The following STRN variants were observed in gnomAD, a reference collection of about 807,000 sequenced individuals.
The protein encoded by STRN is striatin.
STRN carries 53 observed loss-of-function variants against 96.3 expected under a neutral mutation model. The observed-to-expected ratio is 0.55, with a 90% confidence interval of 0.44 to 0.69. The LOEUF (loss-of-function observed/expected upper bound fraction) is 0.69, where lower values mean the gene tolerates loss of function less well. STRN is among the 30% of genes least tolerant of loss of function. The pLI is 0.00. For missense variants in STRN, 987 were observed against 963.9 expected, an observed-to-expected ratio of 1.02 and a Z score of -0.32; for synonymous variants, 428 against 355.9, an observed-to-expected ratio of 1.20 and a Z score of -2.28.
chr2:36,905,464 A>G (rs1669796544), intron 4 of STRN, 76 bp downstream of exon 4: 1 of 1,311,056 alleles, frequency 7.6e-7, no homozygotes, highest in African/African-American at 1.5e-5. Flanking sequence ...CTGACTTGAA[A>G]ATACACAGTA....
At chr2:36,954,424 A>G (rs944582928) in intron 1 of STRN, among the ~76,000 whole-genome samples, 6 of 150,982 alleles carry the variant, frequency 4.0e-5, no homozygotes, top group Non-Finnish European at 8.8e-5. Flanking sequence ...AGGCAGGAGA[A>G]TTGTTTGAAC....
At chr2:36,887,556 G>A (rs1264921997) in intron 7 of STRN, among the ~76,000 whole-genome samples, 1 of 151,928 alleles carries the variant, frequency 6.6e-6, no homozygotes, top group Non-Finnish European at 1.5e-5. Flanking sequence ...ATTAATTTAT[G>A]TGATGAGAGA....
At chr2:36,883,585 A>C (rs1191194662) in intron 9 of STRN, among the ~76,000 whole-genome samples, 1 of 152,220 alleles carries the variant, frequency 6.6e-6, no homozygotes, top group East Asian at 1.9e-4. Flanking sequence ...AAATTGCTTA[A>C]ATATTTATAT....
At chr2:36,961,753 G>C (rs1665034746) in intron 1 of STRN, among the ~76,000 whole-genome samples, 1 of 152,066 alleles carries the variant, frequency 6.6e-6, no homozygotes, top group African/African-American at 2.4e-5. Flanking sequence ...AGCTTGCTGA[G>C]GTATAAGGCC....
chr2:36,881,459 A>C (rs1325487106), intron 9 of STRN, among the ~76,000 whole-genome samples: 4 of 152,218 alleles, frequency 2.6e-5, no homozygotes, highest in African/African-American at 9.6e-5. Context: ...TAAAATAAAA[A>C]TAAAGTAACA....
At chr2:36,879,376 T>G (rs958927698) in intron 9 of STRN, among the ~76,000 whole-genome samples, 2 of 152,168 alleles carry the variant, frequency 1.3e-5, no homozygotes, top group Non-Finnish European at 2.9e-5. Context: ...AGCGAGAAAA[T>G]TTTTTAAAGT....
chr2:36,927,276 G>C (rs188117477), intron 1 of STRN, among the ~76,000 whole-genome samples: 1 of 152,108 alleles, frequency 6.6e-6, no homozygotes, highest in Non-Finnish European at 1.5e-5. Context: ...GGGAGGCCGA[G>C]GCGGGTGGAT....
intron 9 of STRN, among the ~76,000 whole-genome samples, chr2:36,879,008 C>T (rs1000518519): frequency 1.3e-4 from 19 of 151,490 alleles, no homozygotes; most frequent in Non-Finnish European, 2.2e-4. Flanking sequence ...CTGATTTGGC[C>T]TCCCAAAGTG....
intron 1 of STRN, among the ~76,000 whole-genome samples, chr2:36,929,830 A>G (rs1670524963): frequency 6.6e-6 from 1 of 152,218 alleles, no homozygotes; most frequent in African/African-American, 2.4e-5. Flanking sequence ...GTTACTTGCT[A>G]TGGAATATAA....
At chr2:36,869,417 C>A in intron 11 of STRN, 137 bp downstream of exon 11, 1 of 873,272 alleles carries the variant, frequency 1.1e-6, no homozygotes, top group Non-Finnish European at 1.6e-6. Context: ...AATGGAAAAA[C>A]ACAATAAATT....
At chr2:36,938,341 G>A (rs376893902) in intron 1 of STRN, among the ~76,000 whole-genome samples, 1 of 151,852 alleles carries the variant, frequency 6.6e-6, no homozygotes, top group East Asian at 1.9e-4. Flanking sequence ...CACAAGAATT[G>A]CTTGAATCTG....
In STRN at chr2:36,851,027, G is replaced by A; in HGVS notation, c.2059C>T (p.His687Tyr). 3.1e-6 allele frequency: 5 copies of A among 1,611,662 alleles called. No individual in the cohort carries two copies. Among genetic ancestry groups the A allele is most frequent in the Non-Finnish European group, 4.2e-6 (5 of 1,178,744 alleles). The change falls in exon 16 of 18, where the codon CAC (histidine) becomes TAC (tyrosine). Residue 687 changes from histidine to tyrosine, a missense_variant. Physicochemically the swap from His to Tyr is moderately conservative, Grantham distance 83. Coordinates refer to ENST00000263918, the MANE Select transcript of STRN (RefSeq NM_003162.4). Reference sequence around the variant, plus strand: ...GTATTGTTATCATAGAATTTGATGTGCCTGTCTTCATGAGCAGTGATGCTG... The same window carrying A: ...GTATTGTTATCATAGAATTTGATGTACCTGTCTTCATGAGCAGTGATGCTG... ...PISITAHEDR[H>Y]IKFYDNNTGK...
chr2:36,894,093 G>A, intron 6 of STRN, 60 bp from the exon 7 acceptor site: 1 of 1,547,636 alleles, frequency 6.5e-7, no homozygotes, highest in Non-Finnish European at 8.7e-7. Flanking sequence ...CACTGAATAA[G>A]AAAATTCAAT....
At chr2:36,957,751 T>TTG (rs1558669993) in intron 1 of STRN, among the ~76,000 whole-genome samples, 3 of 79,372 alleles carry the variant, frequency 3.8e-5, no homozygotes, top group Non-Finnish European at 7.3e-5. Flanking sequence ...TGTCTTTTTT[T>TTG]TTTTTTTTTT....
At chr2:36,885,787 C>T (rs944620842) in intron 8 of STRN, among the ~76,000 whole-genome samples, 7 of 152,216 alleles carry the variant, frequency 4.6e-5, no homozygotes, top group East Asian at 1.9e-4. Context: ...TCCAGTCTTT[C>T]GCAACTTTAA....
intron 1 of STRN, among the ~76,000 whole-genome samples, chr2:36,948,042 T>C (rs1056355381): frequency 6.8e-6 from 1 of 147,016 alleles, no homozygotes; most frequent in African/African-American, 2.5e-5. Flanking sequence ...CCTCATCCTA[T>C]AGAATGATCA....
Position 36,916,062 on chromosome 2 carries a change from A to G in STRN, c.412+16T>C, listed in dbSNP as rs1323294725. The G allele has an allele frequency of 6.2e-7, 1 of 1,605,416 alleles. No individual in the cohort carries two copies. The highest frequency in any genetic ancestry group is 1.1e-5 in the South Asian group (1 of 90,740). ...ACTTCTTTTTAACACTTAAACTTCCATTAAAATTAGCTTACCAGAATCATA... is the reference window on the plus strand; with the variant it reads ...ACTTCTTTTTAACACTTAAACTTCCGTTAAAATTAGCTTACCAGAATCATA... On this transcript the variant is annotated intron_variant, in intron 3 of 17. Transcript: ENST00000263918.
chr2:36,954,794 C>T (rs1210148115), intron 1 of STRN, among the ~76,000 whole-genome samples: 2 of 151,800 alleles, frequency 1.3e-5, no homozygotes, highest in African/African-American at 2.4e-5. Flanking sequence ...TGTGCCACAA[C>T]GCCCAGCTAA....
At chr2:36,947,568 A>G (rs1434845105) in intron 1 of STRN, among the ~76,000 whole-genome samples, 2 of 147,302 alleles carry the variant, frequency 1.4e-5, no homozygotes, top group African/African-American at 5.0e-5. Flanking sequence ...TTACATATAT[A>G]TTATATATAT....
Sources: gnomAD v4.1 joint callset for allele counts (sites outside exome capture counted in the v4.1 genomes callset) on GRCh38, gnomAD v4.1.1 for gene constraint, MANE v1.5 for transcripts, NCBI Gene and HGNC (gene_info 2026-07-23, HGNC 2026-07-21) for gene names.